The following CTNND2 variants were observed in gnomAD, a reference collection of about 807,000 sequenced individuals.
CTNND2 encodes the protein catenin delta-2.
CTNND2 carries 22 observed loss-of-function variants against 144.4 expected under a neutral mutation model. That is an observed-to-expected ratio of 0.15 (90% confidence interval 0.11 to 0.22). The LOEUF is 0.22. Among genes scored for constraint, CTNND2 ranks in the 10% least tolerant of loss-of-function variants. The pLI is 1.00. For missense variants in CTNND2, 1,353 were observed against 1,618.8 expected, an observed-to-expected ratio of 0.84 and a Z score of 2.82; for synonymous variants, 751 against 695.6, an observed-to-expected ratio of 1.08 and a Z score of -1.25.
chr5:11,877,311 G>A (rs1057134345), intron 1 of CTNND2, among the ~76,000 whole-genome samples: 3 of 151,940 alleles, frequency 2.0e-5, no homozygotes, highest in African/African-American at 7.2e-5. Context: ...CTAATTAGCA[G>A]TTATTCTTTT....
At chr5:11,020,928 T>C (rs1272326190) in intron 17 of CTNND2, among the ~76,000 whole-genome samples, 2 of 152,160 alleles carry the variant, frequency 1.3e-5, no homozygotes, top group Admixed American at 1.3e-4. Context: ...AAGTAAATTT[T>C]CAGCCAAATT....
intron 9 of CTNND2, among the ~76,000 whole-genome samples, chr5:11,309,514 C>T (rs1750584763): frequency 6.6e-6 from 1 of 152,158 alleles, no homozygotes; most frequent in South Asian, 2.1e-4. Flanking sequence ...TGTATTTACC[C>T]AACAGCTGTA....
rs373213261 is a variant in CTNND2, at chr5:11,199,422, T to C, written c.1975+26A>G. 99 of 1,585,998 alleles carry C rather than the reference T, an allele frequency of 6.2e-5. No individual in the cohort carries two copies. The East Asian group carries it at 1.2e-3, about 20-fold the overall frequency. On this transcript the variant is annotated intron_variant, in intron 11 of 21. Transcript: ENST00000304623. ...ATGGAAAGTTTATCTTGAGATATAA[T>C]ATAATAATTTAATAATGATTCTAAC... is the stretch of plus-strand genomic sequence containing the variant.
At chr5:11,414,027 C>T (rs926518353) in intron 3 of CTNND2, among the ~76,000 whole-genome samples, 1 of 152,114 alleles carries the variant, frequency 6.6e-6, no homozygotes, top group Non-Finnish European at 1.5e-5. Context: ...ATGAGGTCAT[C>T]CTGGATCATC....
chr5:11,477,470 G>T (rs1767864034), intron 3 of CTNND2, among the ~76,000 whole-genome samples: 1 of 151,646 alleles, frequency 6.6e-6, no homozygotes, highest in African/African-American at 2.4e-5. Flanking sequence ...GAAGTAGAGT[G>T]GCTTGATCAT....
chr5:11,161,333 C>T (rs1758751772), intron 11 of CTNND2, among the ~76,000 whole-genome samples: 2 of 152,184 alleles, frequency 1.3e-5, no homozygotes, highest in African/African-American at 4.8e-5. Context: ...TATACACTTT[C>T]ATTTGTGCTT....
At chr5:11,783,397 G>A (rs1790651843) in intron 1 of CTNND2, among the ~76,000 whole-genome samples, 1 of 151,932 alleles carries the variant, frequency 6.6e-6, no homozygotes, top group Non-Finnish European at 1.5e-5. Flanking sequence ...CTACTCTCAG[G>A]AATCTGCCTC....
chr5:11,497,525 G>GGGGGGA (rs1770087364), intron 3 of CTNND2, among the ~76,000 whole-genome samples: 2 of 80,652 alleles, frequency 2.5e-5, no homozygotes, highest in Non-Finnish European at 4.9e-5. Flanking sequence ...GGGGTGGGGG[G>GGGGGGA]GGGCAATATG....
chr5:11,159,418 A>G (rs1257577282), intron 12 of CTNND2, among the ~76,000 whole-genome samples, 158 bp downstream of exon 12: 4 of 152,220 alleles, frequency 2.6e-5, no homozygotes, highest in Non-Finnish European at 1.5e-5. Context: ...ACCTGGTTAG[A>G]AAATTTAAAA....
intron 1 of CTNND2, among the ~76,000 whole-genome samples, chr5:11,874,403 G>A (rs979271278): frequency 6.6e-6 from 1 of 152,146 alleles, no homozygotes; most frequent in Non-Finnish European, 1.5e-5. Flanking sequence ...GAAATTTATA[G>A]TTAGGCACAG....
At chr5:11,852,088 G>A (rs1216888600) in intron 1 of CTNND2, among the ~76,000 whole-genome samples, 1 of 151,982 alleles carries the variant, frequency 6.6e-6, no homozygotes, top group Non-Finnish European at 1.5e-5. Context: ...GGCATTCATT[G>A]TTCCTTCCCC....
At chr5:11,813,586 T>C (rs1487491333) in intron 1 of CTNND2, among the ~76,000 whole-genome samples, 2 of 152,220 alleles carry the variant, frequency 1.3e-5, no homozygotes, top group South Asian at 2.1e-4. Flanking sequence ...TTTTTGGTGA[T>C]ACATATATCT....
At chr5:11,213,423 C>T (rs1460926362) in intron 10 of CTNND2, among the ~76,000 whole-genome samples, 1 of 152,112 alleles carries the variant, frequency 6.6e-6, no homozygotes, top group East Asian at 1.9e-4. Flanking sequence ...TTCTATTGAA[C>T]ACAAAGAAAG....
chr5:11,367,596 G>A (rs1408010770), intron 7 of CTNND2, among the ~76,000 whole-genome samples: 1 of 152,170 alleles, frequency 6.6e-6, no homozygotes, highest in Non-Finnish European at 1.5e-5. Context: ...CGTCATTCAT[G>A]AGAATTTACA....
chr5:11,188,121 A>C (rs1459980511), intron 11 of CTNND2, among the ~76,000 whole-genome samples: 2 of 152,200 alleles, frequency 1.3e-5, no homozygotes, highest in Non-Finnish European at 2.9e-5. Flanking sequence ...CAAAGGAATA[A>C]AAATCATTCT....
intron 2 of CTNND2, among the ~76,000 whole-genome samples, chr5:11,597,298 T>C (rs1779559640): frequency 6.6e-6 from 1 of 152,216 alleles, no homozygotes; most frequent in Non-Finnish European, 1.5e-5. Flanking sequence ...GATATTGCAT[T>C]ATTTGAAATC....
At chr5:11,701,341 G>A (rs903841461) in intron 2 of CTNND2, among the ~76,000 whole-genome samples, 2 of 152,194 alleles carry the variant, frequency 1.3e-5, no homozygotes, top group Non-Finnish European at 2.9e-5. Flanking sequence ...CAACCAGTCT[G>A]CTGGATACCC....
intron 3 of CTNND2, among the ~76,000 whole-genome samples, chr5:11,509,272 C>G (rs1009440023): frequency 1.3e-5 from 2 of 152,120 alleles, no homozygotes; most frequent in Non-Finnish European, 2.9e-5. Flanking sequence ...GGGAACAATT[C>G]TCTGTAAATA....
chr5:11,879,615 A>C (rs974118097), intron 1 of CTNND2, among the ~76,000 whole-genome samples: 5 of 152,096 alleles, frequency 3.3e-5, no homozygotes, highest in Non-Finnish European at 5.9e-5. Context: ...AGCTTTTGAC[A>C]TTCTTTTTCT....
Sources: gnomAD v4.1 joint callset for allele counts (sites outside exome capture counted in the v4.1 genomes callset) on GRCh38, gnomAD v4.1.1 for gene constraint, MANE v1.5 for transcripts, NCBI Gene and HGNC (gene_info 2026-07-23, HGNC 2026-07-21) for gene names.